Variants in GALNT9 observed in about 807,000 individuals in gnomAD.
GALNT9 encodes the protein GalNAc transferase 9.
A neutral mutation model predicts 63.1 loss-of-function variants in GALNT9; 47 were observed. That is an observed-to-expected ratio of 0.75 (90% CI 0.59 to 0.95). The LOEUF is 0.95. GALNT9 is among the 40% of genes least tolerant of loss of function. The pLI is 0.00. For missense variants in GALNT9, 829 were observed against 874.8 expected (o/e 0.95, Z 0.66); for synonymous variants, 396 against 365.7 (o/e 1.08, Z -0.94).
In GALNT9 at chr12:132,197,101, G is replaced by T. The variant is rs1875559702; in HGVS notation, c.*6C>A. The T allele has an allele frequency of 6.2e-7, 1 of 1,613,746 alleles. No homozygotes were observed. The highest frequency in any genetic ancestry group is 1.3e-5 in the African/African-American group (1 of 74,946). On this transcript the variant is annotated 3_prime_UTR_variant, in exon 11 of 11. Transcript: ENST00000328957. Reference sequence around the variant, plus strand: ...GAGGTCTGTGGGGGTCCGGGCGGAGGTGGGGTCAGTGCCGTGCGTGTTTGA... The same window carrying T: ...GAGGTCTGTGGGGGTCCGGGCGGAGTTGGGGTCAGTGCCGTGCGTGTTTGA...
intron 6 of GALNT9, among the ~76,000 whole-genome samples, chr12:132,241,641 TA>T: frequency 3.2e-5 from 3 of 93,430 alleles, no homozygotes; most frequent in Admixed American, 9.3e-5. Flanking sequence ...GCCCTCCCTA[TA>T]CCCATTACAC....
At chr12:132,311,416 G>C (rs2135583861) in intron 1 of GALNT9, among the ~76,000 whole-genome samples, 1 of 152,302 alleles carries the variant, frequency 6.6e-6, no homozygotes, top group South Asian at 2.1e-4. Context: ...GGGCAGCAGG[G>C]GCAGGGGTAG....
intron 6 of GALNT9, among the ~76,000 whole-genome samples, chr12:132,220,628 A>G (rs745481583): frequency 2.0e-5 from 3 of 152,202 alleles, no homozygotes; most frequent in East Asian, 3.8e-4. Context: ...GGGAATTTCC[A>G]GGGACACCCC....
intron 6 of GALNT9, among the ~76,000 whole-genome samples, chr12:132,241,214 C>A (rs2136901012): frequency 8.7e-5 from 8 of 91,902 alleles, no homozygotes; most frequent in Non-Finnish European, 1.1e-4. Context: ...CACAACACAC[C>A]CCCTTCCAGG....
chr12:132,271,684 G>C (rs1879872601), intron 2 of GALNT9, among the ~76,000 whole-genome samples: 1 of 152,202 alleles, frequency 6.6e-6, no homozygotes, highest in African/African-American at 2.4e-5. Context: ...CTCCGGCATG[G>C]GGTCTGTAAA....
At chr12:132,326,365 T>G (rs542651784) in intron 1 of GALNT9, among the ~76,000 whole-genome samples, 1 of 152,274 alleles carries the variant, frequency 6.6e-6, no homozygotes, top group East Asian at 1.9e-4. Flanking sequence ...CAAACCTTGA[T>G]GTACACATAG....
rs141428056 is a variant in GALNT9 at position 132,288,958 on chromosome 12, C to T, written c.239-2528G>A. Among the ~76,000 whole-genome samples the T allele has an allele frequency of 9.2e-5, 14 of 152,174 alleles. No individual in the cohort carries two copies. In the South Asian group the frequency reaches 1.0e-3, roughly 11 times the overall value. ...CTGAGCATGGTTCCAGATGGCTGCC[C>T]AATGCCCGGCGTTCTGAGGTCAGCA... On this transcript the variant is annotated intron_variant, in intron 1 of 10. Coordinates refer to ENST00000328957, the MANE Select transcript of GALNT9 (RefSeq NM_001122636.2).
intron 6 of GALNT9, among the ~76,000 whole-genome samples, chr12:132,237,841 C>A (rs376292482): frequency 6.6e-6 from 1 of 152,194 alleles, no homozygotes; most frequent in Admixed American, 6.5e-5. Flanking sequence ...GCCAGGCCTG[C>A]GGTGGAGGTT....
chr12:132,196,387 ATAAAACTGTATTTAT>A lies in GALNT9; in HGVS notation c.*705_*719del. On this transcript the variant is annotated 3_prime_UTR_variant, in exon 11 of 11. Coordinates refer to ENST00000328957, the MANE Select transcript of GALNT9 (RefSeq NM_001122636.2). Reference sequence around the variant, plus strand: ...AGCAACTGGGTGTGGCTGGGCGCCAATAAAACTGTATTTATTAAAACAGGCAAGGGGCTGGGCTGC... The same window carrying A: ...AGCAACTGGGTGTGGCTGGGCGCCAATAAAACAGGCAAGGGGCTGGGCTGC... The A allele has an allele frequency of 1.0e-6, 1 of 971,830 alleles. No homozygotes were observed. The highest frequency in any genetic ancestry group is 1.2e-6 in the Non-Finnish European group (1 of 817,622). The allele number at this position is 971,830 out of a possible 1,614,324, so 60.2% of individuals were successfully genotyped here. A position where few individuals can be genotyped will look rare whatever the true frequency, so the allele number is the denominator to read the frequency against.
intron 2 of GALNT9, among the ~76,000 whole-genome samples, chr12:132,285,440 G>A (rs1157814095): frequency 6.6e-6 from 1 of 152,254 alleles, no homozygotes; most frequent in Non-Finnish European, 1.5e-5. Flanking sequence ...GCTTGTCGCG[G>A]CTACTCCCTC....
chr12:132,320,737 A>G (rs979437007), intron 1 of GALNT9, among the ~76,000 whole-genome samples: 1 of 114,970 alleles, frequency 8.7e-6, no homozygotes, highest in Non-Finnish European at 1.9e-5. Context: ...CGCCCCCACC[A>G]GGTGCCCTCG....
chr12:132,311,787 C>T (rs1474875600), intron 1 of GALNT9, among the ~76,000 whole-genome samples: 1 of 152,160 alleles, frequency 6.6e-6, no homozygotes, highest in African/African-American at 2.4e-5. Context: ...CTGCGTCCTT[C>T]GTGTGCGTGC....
intron 6 of GALNT9, among the ~76,000 whole-genome samples, chr12:132,244,830 G>A (rs1170526207): frequency 6.6e-6 from 1 of 150,862 alleles, no homozygotes; most frequent in Admixed American, 6.6e-5. Flanking sequence ...AGTTGGACGG[G>A]GGCGTGGTGA....
intron 2 of GALNT9, among the ~76,000 whole-genome samples, chr12:132,266,841 C>G (rs1220833096): frequency 5.9e-5 from 9 of 152,200 alleles, no homozygotes; most frequent in Non-Finnish European, 8.8e-5. Flanking sequence ...CGTGGGCCAC[C>G]ACCGAGTCGG....
intron 6 of GALNT9, among the ~76,000 whole-genome samples, chr12:132,217,740 A>G (rs554611793): frequency 4.1e-5 from 6 of 144,716 alleles, no homozygotes; most frequent in Admixed American, 1.4e-4. Flanking sequence ...TCATCCATCC[A>G]TCCATCCACT....
chr12:132,312,041 A>C (rs556306266), intron 1 of GALNT9, among the ~76,000 whole-genome samples: 6 of 152,230 alleles, frequency 3.9e-5, no homozygotes, highest in Non-Finnish European at 2.9e-5. Context: ...ACTCTCTCCA[A>C]ATACAACAGC....
chr12:132,255,974 G>A (rs1190121910), intron 5 of GALNT9, among the ~76,000 whole-genome samples: 5 of 152,058 alleles, frequency 3.3e-5, no homozygotes, highest in African/African-American at 4.8e-5. Flanking sequence ...CTGAGTTTAC[G>A]CAATCCACCC....
At position 132,196,901 on chromosome 12, in the gene GALNT9, C is replaced by G; in HGVS notation, c.*206G>C. On this transcript the variant is annotated 3_prime_UTR_variant, in exon 11 of 11. Transcript: ENST00000328957. Reference sequence around the variant, plus strand: ...CCCAGACGCCCTCCCTCGGGTAGAGCCGCCTGTCCTAGGAGAAGCTGTACT... The same window carrying G: ...CCCAGACGCCCTCCCTCGGGTAGAGGCGCCTGTCCTAGGAGAAGCTGTACT... 4.3e-6 allele frequency: 6 copies of G among 1,394,716 alleles called. No individual in the cohort carries two copies. Among genetic ancestry groups the G allele is most frequent in the Non-Finnish European group, 5.6e-6 (6 of 1,075,938 alleles). 86.4% of individuals were successfully genotyped at this position (1,394,716 alleles called of 1,614,324 possible). A position where few individuals can be genotyped will look rare whatever the true frequency, so the allele number is the denominator to read the frequency against.
intron 1 of GALNT9, among the ~76,000 whole-genome samples, chr12:132,306,250 G>A (rs552783326): frequency 2.0e-5 from 3 of 152,358 alleles, no homozygotes; most frequent in East Asian, 1.9e-4. Flanking sequence ...GCCTCCCCAC[G>A]GAGCTGACAT....
Sources: gnomAD v4.1 joint callset for allele counts (sites outside exome capture counted in the v4.1 genomes callset) on GRCh38, gnomAD v4.1.1 for gene constraint, MANE v1.5 for transcripts, NCBI Gene and HGNC (gene_info 2026-07-23, HGNC 2026-07-21) for gene names.